The following ZNF334 variants were observed in gnomAD, a reference collection of about 807,000 sequenced individuals.
ZNF334 encodes the protein zinc finger protein 334.
Under a neutral mutation model 12.4 loss-of-function variants are expected in ZNF334, and 14 were observed. The observed-to-expected ratio is 1.13, with a 90% confidence interval of 0.74 to 1.76. The LOEUF (loss-of-function observed/expected upper bound fraction) is 1.76. Among genes scored for constraint, ZNF334 ranks in the 40% most tolerant of loss-of-function variants. ZNF334 has a pLI of 0.00. For synonymous variants in ZNF334, 273 were observed against 269.6 expected, an observed-to-expected ratio of 1.01 and a Z score of -0.12; for missense variants, 797 against 804.5, an observed-to-expected ratio of 0.99 and a Z score of 0.11.
At chr20:46,494,455 G>A in the ZNF334 span, among the ~76,000 whole-genome samples, 1 of 152,174 alleles carries the variant, frequency 6.6e-6, no homozygotes, top group African/African-American at 2.4e-5. Flanking sequence ...CTAAGGAAAG[G>A]TGTATGTGTA....
chr20:46,481,827 T>C, the ZNF334 span, among the ~76,000 whole-genome samples: 1 of 152,144 alleles, frequency 6.6e-6, no homozygotes, highest in African/African-American at 2.4e-5. Flanking sequence ...CAGATACACA[T>C]TGTGGTAGAA....
At chr20:46,488,662 T>C in the ZNF334 span, among the ~76,000 whole-genome samples, 3 of 151,914 alleles carry the variant, frequency 2.0e-5, no homozygotes, top group Non-Finnish European at 4.4e-5. Context: ...CCTTTTCTTC[T>C]GCCCTGCAGG....
intron 2 of ZNF334, among the ~76,000 whole-genome samples, 200 bp downstream of exon 2, chr20:46,511,882 T>C (rs902704712): frequency 2.0e-5 from 3 of 152,216 alleles, no homozygotes; most frequent in Non-Finnish European, 2.9e-5. Flanking sequence ...GGCTATCTCA[T>C]ATTGTCTGGG....
At position 46,501,486 on chromosome 20, in the gene ZNF334, T is replaced by C. The variant is rs770427424; in HGVS notation, c.1853A>G (p.His618Arg). Residue 618 changes from histidine (H) to arginine (R), a missense_variant, in exon 5 of 5, where the codon CAT (histidine) becomes CGT (arginine). His to Arg is a conservative substitution (Grantham distance 29). Transcript: ENST00000692313. ...SFCHKSAFRV[H>R]RRIHTGEKPY... ...TTTCTCTCCTGTGTGAATTCTTCTA[T>C]GGACTCTGAAGGCTGACTTATGGCA... 3 of 1,614,176 alleles carry C rather than the reference T, an allele frequency of 1.9e-6. No homozygotes were observed. Among genetic ancestry groups the C allele is most frequent in the South Asian group, 1.1e-5 (1 of 91,084 alleles).
intron 2 of ZNF334, among the ~76,000 whole-genome samples, chr20:46,507,657 C>T (rs2061486368): frequency 6.6e-6 from 1 of 152,198 alleles, no homozygotes; most frequent in South Asian, 2.1e-4. Flanking sequence ...GGGCTTTGGC[C>T]TGCTGTATGT....
chr20:46,473,494 C>T, the ZNF334 span, among the ~76,000 whole-genome samples: 1 of 152,188 alleles, frequency 6.6e-6, no homozygotes, highest in African/African-American at 2.4e-5. Flanking sequence ...AAGAACTGCT[C>T]TAACTATACC....
At chr20:46,511,199 C>G (rs1483335376) in intron 2 of ZNF334, among the ~76,000 whole-genome samples, 1 of 150,784 alleles carries the variant, frequency 6.6e-6, no homozygotes, top group Non-Finnish European at 1.5e-5. Flanking sequence ...CGAGACCAGC[C>G]TGGGCAACAT....
At chr20:46,511,492 T>C (rs2061649193) in intron 2 of ZNF334, among the ~76,000 whole-genome samples, 1 of 152,196 alleles carries the variant, frequency 6.6e-6, no homozygotes, top group Admixed American at 6.5e-5. Context: ...GACAGGCACA[T>C]GAAGAAGTTT....
At chr20:46,494,325 T>C in the ZNF334 span, among the ~76,000 whole-genome samples, 2 of 152,232 alleles carry the variant, frequency 1.3e-5, no homozygotes, top group African/African-American at 4.8e-5. Flanking sequence ...CTCACCTTTC[T>C]TTGCTTTCTC....
At chr20:46,483,291 A>ATT in the ZNF334 span, among the ~76,000 whole-genome samples, 33 of 150,756 alleles carry the variant, frequency 2.2e-4, no homozygotes, top group African/African-American at 4.9e-4. Flanking sequence ...TGCAGCTTCT[A>ATT]TTTTTTTTTC....
At chr20:46,478,703 G>T in the ZNF334 span, among the ~76,000 whole-genome samples, 2 of 152,178 alleles carry the variant, frequency 1.3e-5, no homozygotes, top group African/African-American at 4.8e-5. Flanking sequence ...GGAGGGCTTA[G>T]AATTTTATTT....
the ZNF334 span, among the ~76,000 whole-genome samples, chr20:46,483,229 A>G: frequency 7.2e-5 from 11 of 152,122 alleles, no homozygotes; most frequent in Non-Finnish European, 1.2e-4. Context: ...GATCATTTGT[A>G]TGCTTTCTTC....
chr20:46,484,439 A>G, the ZNF334 span: 2 of 167,118 alleles, frequency 1.2e-5, no homozygotes, highest in East Asian at 3.8e-4. Context: ...GTATACATAT[A>G]AAGTATAAAT....
chr20:46,464,054 T>C, the ZNF334 span: 4 of 632,374 alleles, frequency 6.3e-6, no homozygotes, highest in Non-Finnish European at 1.2e-5. Flanking sequence ...AAGGGGTCAT[T>C]GTTCTCTCTT....
intron 1 of ZNF334, 45 bp from the exon 2 acceptor site, chr20:46,512,185 C>T: frequency 6.9e-7 from 1 of 1,452,668 alleles, no homozygotes; most frequent in South Asian, 1.1e-5. Context: ...CGATTTGGCT[C>T]ACACAGCAGC....
At chr20:46,480,061 T>C in the ZNF334 span, among the ~76,000 whole-genome samples, 3 of 152,194 alleles carry the variant, frequency 2.0e-5, no homozygotes, top group South Asian at 2.1e-4. Flanking sequence ...CCCTAAACTA[T>C]ATAAAACCAA....
intron 2 of ZNF334, chr20:46,505,712 G>C (rs1010874890): frequency 2.0e-5 from 3 of 153,750 alleles, no homozygotes; most frequent in South Asian, 4.1e-4. Context: ...CACAGTCTAT[G>C]ACTGCTTTCA....
chr20:46,511,912 G>A (rs960362618), intron 2 of ZNF334, among the ~76,000 whole-genome samples, 170 bp downstream of exon 2: 1 of 152,184 alleles, frequency 6.6e-6, no homozygotes, highest in Non-Finnish European at 1.5e-5. Flanking sequence ...AACCATTTGA[G>A]TAACTCTATA....
At chr20:46,505,111 A>G (rs1601039594) in intron 2 of ZNF334, 1 of 163,336 alleles carries the variant, frequency 6.1e-6, no homozygotes, top group Admixed American at 6.4e-5. Flanking sequence ...AGCTTGCTCC[A>G]TTTTTGTTAC....
Sources: gnomAD v4.1 joint callset for allele counts (sites outside exome capture counted in the v4.1 genomes callset) on GRCh38, gnomAD v4.1.1 for gene constraint, MANE v1.5 for transcripts, NCBI Gene and HGNC (gene_info 2026-07-23, HGNC 2026-07-21) for gene names.